ACCS: variants seen among roughly 807,000 people sequenced by gnomAD.
ACCS encodes the protein 1-aminocyclopropane-1-carboxylate synthase-like protein 1.
Under a neutral mutation model 59.8 loss-of-function variants are expected in ACCS, and 42 were observed. The observed-to-expected ratio is 0.70, with a 90% CI of 0.55 to 0.91. The LOEUF (loss-of-function observed/expected upper bound fraction) is 0.91, where lower values mean the gene tolerates loss of function less well. ACCS is among the 40% of genes least tolerant of loss of function. The probability of loss-of-function intolerance (pLI) is 0.00; values close to 1 mark genes in which losing one functional copy is unlikely to be tolerated. For synonymous variants in ACCS, 230 were observed against 240.3 expected (o/e 0.96, Z 0.40); for missense variants, 602 against 630.4 (o/e 0.95, Z 0.48).
At chr11:44,067,569 C>T in intron 1 of ACCS, 59 bp from the exon 2 acceptor site, 1 of 1,519,882 alleles carries the variant, frequency 6.6e-7, no homozygotes. Flanking sequence ...CAACTCCTTT[C>T]TGATGCTTGG....
chr11:44,067,964 G>A (rs1375958320), intron 2 of ACCS, 49 bp downstream of exon 2: 6 of 1,538,622 alleles, frequency 3.9e-6, no homozygotes, highest in Middle Eastern at 2.0e-4. Context: ...ACTGCAGGGT[G>A]GGGTACCCTA....
At chr11:44,079,687 G>C (rs1196617664) in intron 10 of ACCS, 67 bp downstream of exon 10, 7 of 1,466,444 alleles carry the variant, frequency 4.8e-6, no homozygotes, top group African/African-American at 1.4e-5. Context: ...GCCACTTTCT[G>C]GCTCAGCCCA....
At position 44,079,516 on chromosome 11, in the gene ACCS, C is replaced by T; in HGVS notation, c.834-15C>T. The T allele has an allele frequency of 6.2e-7, 1 of 1,602,576 alleles. No homozygotes were observed. The highest frequency in any genetic ancestry group is 8.5e-7 in the Non-Finnish European group (1 of 1,174,190). Reference sequence around the variant, plus strand: ...ACACACTAAGTCTCTCCTCCCCACCCCTGCCTCACTCCAGGCACAGGCTGC... The same window carrying T: ...ACACACTAAGTCTCTCCTCCCCACCTCTGCCTCACTCCAGGCACAGGCTGC... On this transcript the variant is annotated splice_polypyrimidine_tract_variant and intron_variant, in intron 9 of 14. Transcript: ENST00000263776.
chr11:44,080,964 C>T (rs530190350), intron 10 of ACCS, 56 bp from the exon 11 acceptor site: 1 of 1,603,526 alleles, frequency 6.2e-7, no homozygotes, highest in African/African-American at 1.3e-5. Context: ...CAACCAAACA[C>T]ATGTGGGTTT....
intron 9 of ACCS, 50 bp downstream of exon 9, chr11:44,078,834 T>A (rs756032486): frequency 1.3e-6 from 2 of 1,533,208 alleles, no homozygotes; most frequent in Admixed American, 3.5e-5. Flanking sequence ...AGCCTGGGGT[T>A]CCAATGCGGG....
chr11:44,081,207 G>T lies in ACCS; in HGVS notation c.998G>T (p.Gly333Val), dbSNP rs1362031914. ...KDFGMSGLRF[G>V]TLYTENQDVA... ...TTCGGGATGTCTGGGCTCCGCTTTG[G>T]CACGCTGTACACAGAAAACCAGGAT... is the stretch of plus-strand genomic sequence containing the variant. The change falls in exon 12 of 15, where the codon GGC becomes GTC. Residue 333 changes from glycine (G) to valine (V), a missense_variant. Physicochemically the swap from Gly to Val is moderately radical, Grantham distance 109. Coordinates refer to ENST00000263776, the MANE Select transcript of ACCS (RefSeq NM_032592.4). The T allele has an allele frequency of 6.2e-7, 1 of 1,614,104 alleles. No individual in the cohort carries two copies. Among genetic ancestry groups the T allele is most frequent in the Non-Finnish European group, 8.5e-7 (1 of 1,180,040 alleles).
intron 2 of ACCS, among the ~76,000 whole-genome samples, chr11:44,069,572 T>A (rs545815097): frequency 6.6e-6 from 1 of 152,324 alleles, no homozygotes; most frequent in Non-Finnish European, 1.5e-5. Flanking sequence ...TTTGTGAAGG[T>A]GCCATGAAGC....
intron 8 of ACCS, 55 bp from the exon 9 acceptor site, chr11:44,078,629 T>C: frequency 1.3e-6 from 2 of 1,534,482 alleles, no homozygotes; most frequent in Non-Finnish European, 1.8e-6. Flanking sequence ...TTTGACTGTG[T>C]GGCTCTGGCC....
chr11:44,074,497 A>T, intron 4 of ACCS, 115 bp from the exon 5 acceptor site: 1 of 807,168 alleles, frequency 1.2e-6, no homozygotes, highest in Non-Finnish European at 2.1e-6. Context: ...ACACCCCATC[A>T]TGGGAAATTA....
chr11:44,073,224 C>G, intron 3 of ACCS: 3 of 549,834 alleles, frequency 5.5e-6, no homozygotes, highest in Non-Finnish European at 6.6e-6. Context: ...GGGTTTTTGT[C>G]TCAGCTCTGC....
At chr11:44,078,513 A>G (rs1953483822) in intron 8 of ACCS, 171 bp from the exon 9 acceptor site, 2 of 561,094 alleles carry the variant, frequency 3.6e-6, no homozygotes, top group South Asian at 2.9e-5. Context: ...CTCCGCCTTT[A>G]TCTGATGCTG....
chr11:44,079,336 C>G (rs1345877466), intron 9 of ACCS, 195 bp from the exon 10 acceptor site: 5 of 566,886 alleles, frequency 8.8e-6, no homozygotes, highest in Non-Finnish European at 1.6e-5. Flanking sequence ...AAAAGCTCCT[C>G]TGTCACCTGC....
intron 3 of ACCS, 94 bp downstream of exon 3, chr11:44,071,409 G>C: frequency 2.1e-6 from 3 of 1,446,560 alleles, no homozygotes; most frequent in Non-Finnish European, 2.9e-6. Flanking sequence ...GCTTGGCTCA[G>C]TGGCCCTGGC....
chr11:44,075,344 TG>T (rs1292802052), intron 5 of ACCS, among the ~76,000 whole-genome samples, 181 bp from the exon 6 acceptor site: 3 of 152,208 alleles, frequency 2.0e-5, no homozygotes, highest in African/African-American at 7.2e-5. Flanking sequence ...CTGGCTCAGA[TG>T]ATCTGGAGCA....
chr11:44,066,387 A>G lies in ACCS; in HGVS notation c.-315A>G, dbSNP rs556959626. ...CAGGCCTCCCTCTGTGCACTTTGCAAAAGCCTCTGCCCTTCCATCTCGAAT... is the reference window on the plus strand; with the variant it reads ...CAGGCCTCCCTCTGTGCACTTTGCAGAAGCCTCTGCCCTTCCATCTCGAAT... On this transcript the variant is annotated 5_prime_UTR_variant, in exon 1 of 15. Transcript: ENST00000263776. The G allele has an allele frequency of 1.3e-5, 2 of 152,270 alleles. No individual in the cohort carries two copies. Among genetic ancestry groups the G allele is most frequent in the South Asian group, 4.1e-4 (2 of 4,820 alleles). The allele number at this position is 152,270 out of a possible 1,614,324, so 9.4% of individuals were successfully genotyped here. A position where few individuals can be genotyped will look rare whatever the true frequency, so the allele number is the denominator to read the frequency against.
At chr11:44,081,463 A>G in intron 12 of ACCS, 143 bp downstream of exon 12, 6 of 1,353,092 alleles carry the variant, frequency 4.4e-6, no homozygotes, top group Non-Finnish European at 5.9e-6. Context: ...GACTGGGTCC[A>G]TACCCTATTT....
Position 44,077,882 on chromosome 11 carries a change from T to G in ACCS, c.692T>G (p.Val231Gly). 6.2e-7 allele frequency: 1 copy of G among 1,613,974 alleles called. No individual in the cohort carries two copies. Among genetic ancestry groups the G allele is most frequent in the South Asian group, 1.1e-5 (1 of 91,056 alleles). Residue 231 changes from valine to glycine, a missense_variant, in exon 8 of 15, where the codon GTG becomes GGG. Transcript: ENST00000263776. ...GLDTRPFQLT[V>G]EKLEMALREA... ...GACACACGCCCCTTCCAGCTCACAG[T>G]GGAGAAGCTGGAGATGGCCCTGAGA... is the stretch of plus-strand genomic sequence containing the variant.
At chr11:44,070,385 A>G (rs1034252472) in intron 2 of ACCS, among the ~76,000 whole-genome samples, 5 of 152,096 alleles carry the variant, frequency 3.3e-5, no homozygotes, top group African/African-American at 1.2e-4. Flanking sequence ...TGGACTGTGC[A>G]TGTGTTTTGA....
chr11:44,082,283 A>G (rs1953675290), intron 12 of ACCS: 1 of 152,210 alleles, frequency 6.6e-6, no homozygotes, highest in Non-Finnish European at 1.5e-5. Flanking sequence ...TCCTACTCCT[A>G]GATATTGACC....
Sources: gnomAD v4.1 joint callset for allele counts (sites outside exome capture counted in the v4.1 genomes callset) on GRCh38, gnomAD v4.1.1 for gene constraint, MANE v1.5 for transcripts, NCBI Gene and HGNC (gene_info 2026-07-23, HGNC 2026-07-21) for gene names.